Variants in CDK1 observed in about 807,000 individuals in gnomAD.
CDK1 encodes the protein cyclin dependent kinase 1, also known as cyclin-dependent kinase 1.
CDK1 carries 5 observed loss-of-function variants against 34.6 expected under a neutral mutation model. The ratio of observed to expected loss-of-function variants is 0.14; its 90% CI spans 0.08 to 0.30. The LOEUF is 0.30. Among genes scored for constraint, CDK1 ranks in the 10% least tolerant of loss-of-function variants. The pLI, the probability that CDK1 is intolerant of heterozygous loss-of-function variation, is 1.00. For missense variants in CDK1, 157 were observed against 345.7 expected (o/e 0.45, Z 4.33); for synonymous variants, 108 against 114.7 (o/e 0.94, Z 0.37).
intron 1 of CDK1, among the ~76,000 whole-genome samples, chr10:60,779,657 A>G (rs911382730): frequency 6.6e-6 from 1 of 152,208 alleles, no homozygotes; most frequent in Non-Finnish European, 1.5e-5. Context: ...CGTTTTAAAC[A>G]AAATTTTCCT....
chr10:60,792,958 T>G (rs1027428700), intron 7 of CDK1, among the ~76,000 whole-genome samples: 1 of 152,132 alleles, frequency 6.6e-6, no homozygotes, highest in Non-Finnish European at 1.5e-5. Flanking sequence ...TCTTCTACTC[T>G]CTAGATGCCA....
At chr10:60,793,215 C>T (rs774154019) in intron 7 of CDK1, among the ~76,000 whole-genome samples, 1 of 152,008 alleles carries the variant, frequency 6.6e-6, no homozygotes, top group African/African-American at 2.4e-5. Context: ...ATGATTTATA[C>T]AAAGCAGTTT....
At chr10:60,784,593 G>A (rs2132066477) in intron 2 of CDK1, 112 bp from the exon 3 acceptor site, 1 of 836,172 alleles carries the variant, frequency 1.2e-6, no homozygotes, top group East Asian at 2.6e-5. Context: ...TTGACCCACT[G>A]CACTCCAACC....
rs948834476 is a variant in CDK1, at chr10:60,780,326, C to T, written c.37+124C>T. 2.8e-5 allele frequency: 18 copies of T among 652,100 alleles called. No individual in the cohort carries two copies. The African/African-American group carries it at 2.9e-4, about 11-fold the overall frequency. 40.4% of individuals were successfully genotyped at this position (652,100 alleles called of 1,614,324 possible). ...TAAGTTGTCTTGTAGTACCAGTGTG[C>T]ATTAACATATGTTCTTTACTTAATA... On this transcript the variant is annotated intron_variant, in intron 2 of 7. Coordinates refer to ENST00000395284, the MANE Select transcript of CDK1 (RefSeq NM_001786.5).
At chr10:60,781,609 A>ATC (rs1162349328) in intron 2 of CDK1, among the ~76,000 whole-genome samples, 1 of 152,150 alleles carries the variant, frequency 6.6e-6, no homozygotes, top group Non-Finnish European at 1.5e-5. Flanking sequence ...CTCCAAAACC[A>ATC]TCTCTTCACC....
At chr10:60,793,196 T>G (rs534282773) in intron 7 of CDK1, among the ~76,000 whole-genome samples, 1 of 152,226 alleles carries the variant, frequency 6.6e-6, no homozygotes, top group South Asian at 2.1e-4. Flanking sequence ...GCTGTGGGAA[T>G]TGAGTACCAT....
At chr10:60,793,688 C>A (rs2080377188) in intron 7 of CDK1, among the ~76,000 whole-genome samples, 189 bp from the exon 8 acceptor site, 1 of 151,980 alleles carries the variant, frequency 6.6e-6, no homozygotes. Flanking sequence ...GTAAGTTATT[C>A]TAGACCTCAA....
intron 2 of CDK1, among the ~76,000 whole-genome samples, chr10:60,783,240 G>C (rs1190374466): frequency 6.6e-6 from 1 of 152,034 alleles, no homozygotes. Context: ...CTTTAATGTA[G>C]AGTAATTTTG....
intron 2 of CDK1, among the ~76,000 whole-genome samples, chr10:60,782,493 T>C (rs1329902898): frequency 6.6e-6 from 1 of 152,212 alleles, no homozygotes. Context: ...TAAGAAAATG[T>C]CTTTTTGGAT....
chr10:60,794,072 A>G lies in CDK1; in HGVS notation c.*97A>G, dbSNP rs1053432381. On this transcript the variant is annotated 3_prime_UTR_variant, in exon 8 of 8. Transcript: ENST00000395284. ...TTTGTCTTATATATATTTCTTTGTT[A>G]TCAAACTTCAGCTGTACTTCGTCTT... The G allele has an allele frequency of 1.1e-5, 7 of 621,308 alleles. No individual in the cohort carries two copies. Among genetic ancestry groups the G allele is most frequent in the Non-Finnish European group, 1.7e-5 (6 of 353,978 alleles). 38.5% of individuals were successfully genotyped at this position (621,308 alleles called of 1,614,324 possible). A position where few individuals can be genotyped will look rare whatever the true frequency, so the allele number is the denominator to read the frequency against.
intron 2 of CDK1, among the ~76,000 whole-genome samples, chr10:60,781,961 T>C (rs2080277113): frequency 6.6e-6 from 1 of 152,244 alleles, no homozygotes; most frequent in Non-Finnish European, 1.5e-5. Context: ...TTTTTCTGGC[T>C]TGTATTGTCA....
intron 2 of CDK1, 103 bp from the exon 3 acceptor site, chr10:60,784,602 C>T (rs2080299787): frequency 1.0e-6 from 1 of 983,904 alleles, no homozygotes; most frequent in African/African-American, 1.6e-5. Context: ...TGCACTCCAA[C>T]CTGGACAAGA....
chr10:60,784,917 T>C (rs2080302736), intron 3 of CDK1, 56 bp downstream of exon 3: 18 of 1,498,734 alleles, frequency 1.2e-5, no homozygotes, highest in Non-Finnish European at 1.7e-5. Context: ...CAAATATAAA[T>C]TTCAACTTGG....
chr10:60,790,023 G>T lies in CDK1; in HGVS notation c.489+1793G>T, dbSNP rs959268711. On this transcript the variant is annotated intron_variant, in intron 5 of 7. Coordinates refer to ENST00000395284, the MANE Select transcript of CDK1 (RefSeq NM_001786.5). ...ATGTTGAGCACTTTTTCATATACTT[G>T]CTGGTCTTTGTATGTCTTTTGAGAA... Among the ~76,000 whole-genome samples the T allele has an allele frequency of 3.9e-4, 60 of 152,010 alleles. 3 individuals are homozygous for T. The highest frequency in any genetic ancestry group is 2.1e-4 in the South Asian group (1 of 4,828).
Position 60,780,183 on chromosome 10 carries a change from A to T in CDK1, c.18A>T (p.Lys6Asn). 6.5e-7 allele frequency: 1 copy of T among 1,535,712 alleles called. No homozygotes were observed. Among genetic ancestry groups the T allele is most frequent in the Non-Finnish European group, 9.0e-7 (1 of 1,108,984 alleles). MEDYT[K>N]IEKIGEGTYG... ...GACTAACTATGGAAGATTATACCAA[A>T]ATAGAGAAAATTGGAGAAGGTGAGT... Residue 6 changes from lysine to asparagine, a missense_variant, in exon 2 of 8, where the codon AAA becomes AAT. Coordinates refer to ENST00000395284, the MANE Select transcript of CDK1 (RefSeq NM_001786.5).
intron 5 of CDK1, among the ~76,000 whole-genome samples, chr10:60,790,285 C>A (rs538398123): frequency 6.6e-6 from 1 of 152,104 alleles, no homozygotes; most frequent in Non-Finnish European, 1.5e-5. Flanking sequence ...TCTCTGTCAC[C>A]CATGCTGGAA....
intron 7 of CDK1, among the ~76,000 whole-genome samples, chr10:60,793,375 C>T (rs2080374596): frequency 6.6e-6 from 1 of 152,012 alleles, no homozygotes; most frequent in South Asian, 2.1e-4. Flanking sequence ...GGCGCGTAAA[C>T]TAACATACTA....
intron 4 of CDK1, among the ~76,000 whole-genome samples, chr10:60,787,260 C>G (rs2456773): frequency 0.31 from 46,880 of 151,950 alleles, 7,687 homozygotes; most frequent in East Asian, 0.62. Context: ...TTCAACACTT[C>G]CAACTATATG....
chr10:60,786,205 G>A, intron 4 of CDK1: 2 of 891,158 alleles, frequency 2.2e-6, no homozygotes, highest in Non-Finnish European at 2.7e-6. Flanking sequence ...ATAGTTTTAA[G>A]TACTGAAGTA....
Sources: allele counts gnomAD v4.1 joint callset (sites outside exome capture counted in the v4.1 genomes callset), GRCh38; gene constraint gnomAD v4.1.1; transcripts MANE v1.5; gene names NCBI Gene and HGNC (gene_info 2026-07-23, HGNC 2026-07-21).